Variants in ECPAS observed in about 807,000 individuals in gnomAD.
The protein encoded by ECPAS is Ecm29 proteasome adaptor and scaffold.
In ECPAS, 70 loss-of-function variants were observed where a neutral mutation model predicts 255.1. The ratio of observed to expected loss-of-function variants is 0.27; its 90% confidence interval spans 0.23 to 0.33. ECPAS has a LOEUF of 0.33. Ranked by LOEUF, ECPAS falls within the 10% of genes least tolerant of loss-of-function variation. ECPAS has a pLI of 1.00. For missense variants in ECPAS, 1,817 were observed against 2,206.4 expected (o/e 0.82, Z 3.54); for synonymous variants, 784 against 775.0 (o/e 1.01, Z -0.19).
chr9:111,463,650 C>A (rs1289878376), intron 2 of ECPAS, among the ~76,000 whole-genome samples: 1 of 151,738 alleles, frequency 6.6e-6, no homozygotes, highest in Non-Finnish European at 1.5e-5. Flanking sequence ...ATAGACAAAT[C>A]AATAGATTAA....
chr9:111,418,505 T>C (rs747652887), intron 16 of ECPAS, among the ~76,000 whole-genome samples: 56 of 152,002 alleles, frequency 3.7e-4, no homozygotes, highest in Non-Finnish European at 6.0e-4. Flanking sequence ...ATCTCAGCAA[T>C]AGTCTTATCC....
At chr9:111,413,818 G>T (rs553867969) in intron 20 of ECPAS, 77 bp downstream of exon 20, 1 of 890,468 alleles carries the variant, frequency 1.1e-6, no homozygotes, top group African/African-American at 1.7e-5. Flanking sequence ...TAGGGATCCC[G>T]CTGGCAGGAA....
chr9:111,454,310 T>TG (rs71501914), intron 2 of ECPAS, among the ~76,000 whole-genome samples: 1,929 of 20,058 alleles, frequency 0.096, 31 homozygotes, highest in Middle Eastern at 0.2. Flanking sequence ...TGGGGGGAGA[T>TG]GGGGGGGTGG....
chr9:111,367,160 T>C (rs1157213936), intron 46 of ECPAS, among the ~76,000 whole-genome samples: 1 of 152,220 alleles, frequency 6.6e-6, no homozygotes, highest in Non-Finnish European at 1.5e-5. Context: ...ATTAATATTA[T>C]GCCAACTGAT....
intron 24 of ECPAS, among the ~76,000 whole-genome samples, chr9:111,405,082 A>G (rs2098182023): frequency 6.7e-6 from 1 of 149,768 alleles, no homozygotes; most frequent in South Asian, 2.1e-4. Context: ...CTATGAAACC[A>G]CCAAAGACCC....
At chr9:111,425,893 T>C (rs969373380) in intron 10 of ECPAS, 65 bp from the exon 11 acceptor site, 11 of 796,622 alleles carry the variant, frequency 1.4e-5, no homozygotes, top group Non-Finnish European at 2.2e-5. Flanking sequence ...TTTTGAATAG[T>C]AATCAGAATT....
Position 111,362,172 on chromosome 9 carries a change from G to C in ECPAS, c.5381-3C>G. ...CAAACATTCCCACTGTTTAGATTCT[G>C]CATGAAAAAAAAAAAACAAAAACAA... is the stretch of plus-strand genomic sequence containing the variant. On this transcript the variant is annotated splice_polypyrimidine_tract_variant and splice_region_variant and intron_variant, in intron 49 of 49. Coordinates refer to ENST00000684092, the MANE Select transcript of ECPAS (RefSeq NM_001364929.1). 1 of 1,473,204 alleles carries C rather than the reference G, an allele frequency of 6.8e-7. No individual in the cohort carries two copies. The highest frequency in any genetic ancestry group is 2.5e-5 in the Admixed American group (1 of 40,594). 91.3% of individuals were successfully genotyped at this position (1,473,204 alleles called of 1,614,324 possible). A position where few individuals can be genotyped will look rare whatever the true frequency, so the allele number is the denominator to read the frequency against.
chr9:111,477,401 C>T (rs2098297707), intron 1 of ECPAS, among the ~76,000 whole-genome samples: 3 of 152,124 alleles, frequency 2.0e-5, no homozygotes, highest in Middle Eastern at 3.4e-3. Flanking sequence ...TGTGAGGCAC[C>T]GCTCCAGCCC....
chr9:111,476,377 C>A (rs2098296293), intron 1 of ECPAS, among the ~76,000 whole-genome samples: 1 of 152,122 alleles, frequency 6.6e-6, no homozygotes, highest in Non-Finnish European at 1.5e-5. Context: ...GAAAAACTAG[C>A]CACATGTCTT....
intron 5 of ECPAS, among the ~76,000 whole-genome samples, chr9:111,441,670 C>T (rs1451760303): frequency 6.6e-6 from 1 of 152,174 alleles, no homozygotes; most frequent in Non-Finnish European, 1.5e-5. Context: ...CATCTGACAA[C>T]AATTACAAAC....
intron 1 of ECPAS, among the ~76,000 whole-genome samples, chr9:111,481,651 T>C (rs995852591): frequency 3.3e-5 from 5 of 152,230 alleles, no homozygotes; most frequent in Admixed American, 2.0e-4. Context: ...TGTACACCCA[T>C]GTTCACAACA....
At chr9:111,428,970 A>C (rs1028463651) in intron 9 of ECPAS, among the ~76,000 whole-genome samples, 1 of 152,086 alleles carries the variant, frequency 6.6e-6, no homozygotes, top group African/African-American at 2.4e-5. Context: ...TGCTCATATC[A>C]CCTGTGTTCT....
intron 1 of ECPAS, among the ~76,000 whole-genome samples, chr9:111,475,755 G>A (rs1350284898): frequency 1.3e-5 from 2 of 149,184 alleles, no homozygotes; most frequent in African/African-American, 4.9e-5. Context: ...AAAAAACCCA[G>A]AATGCAGTGA....
At chr9:111,390,748 T>C (rs2098158424) in intron 29 of ECPAS, among the ~76,000 whole-genome samples, 1 of 152,220 alleles carries the variant, frequency 6.6e-6, no homozygotes, top group East Asian at 1.9e-4. Flanking sequence ...AGCAAGGCCC[T>C]GCAACCAGCA....
chr9:111,425,314 A>G, intron 12 of ECPAS, 104 bp downstream of exon 12: 1 of 697,094 alleles, frequency 1.4e-6, no homozygotes, highest in Non-Finnish European at 2.2e-6. Flanking sequence ...GGAACAGTGA[A>G]ACTTTAACAA....
Position 111,362,176 on chromosome 9 carries a change from GA to G in ECPAS, c.5381-8del, listed in dbSNP as rs3837272. On this transcript the variant is annotated splice_region_variant and splice_polypyrimidine_tract_variant and intron_variant, in intron 49 of 49. Coordinates refer to ENST00000684092, the MANE Select transcript of ECPAS (RefSeq NM_001364929.1). ...CATTCCCACTGTTTAGATTCTGCATGAAAAAAAAAAAACAAAAACAAAAAAA... is the reference window on the plus strand; with the variant it reads ...CATTCCCACTGTTTAGATTCTGCATGAAAAAAAAAAACAAAAACAAAAAAA... 264,489 of 1,114,330 alleles carry G rather than the reference GA, an allele frequency of 0.24. 8,275 individuals carry two copies. The highest frequency in any genetic ancestry group is 0.36 in the East Asian group (12,260 of 33,694). The allele number at this position is 1,114,330 out of a possible 1,614,324, so 69.0% of individuals were successfully genotyped here. A position where few individuals can be genotyped will look rare whatever the true frequency, so the allele number is the denominator to read the frequency against.
At chr9:111,433,984 T>C (rs2098233926) in intron 7 of ECPAS, among the ~76,000 whole-genome samples, 1 of 152,212 alleles carries the variant, frequency 6.6e-6, no homozygotes, top group Non-Finnish European at 1.5e-5. Context: ...CTAGAGAGAT[T>C]CTGCTTAGAA....
At chr9:111,459,424 T>C (rs1389482284) in intron 2 of ECPAS, among the ~76,000 whole-genome samples, 2 of 152,118 alleles carry the variant, frequency 1.3e-5, no homozygotes, top group Non-Finnish European at 2.9e-5. Context: ...AGCTGACTAC[T>C]ACTACAAAAA....
intron 2 of ECPAS, among the ~76,000 whole-genome samples, chr9:111,464,106 G>A (rs749549345): frequency 2.6e-5 from 4 of 152,010 alleles, no homozygotes; most frequent in African/African-American, 4.8e-5. Context: ...CTAATGCTCA[G>A]ACAACACTTT....
Sources: allele counts gnomAD v4.1 joint callset (sites outside exome capture counted in the v4.1 genomes callset), GRCh38; gene constraint gnomAD v4.1.1; transcripts MANE v1.5; gene names NCBI Gene and HGNC (gene_info 2026-07-23, HGNC 2026-07-21).